Variants in PRELID2 observed in about 807,000 individuals in gnomAD.
PRELID2 encodes the protein PRELI domain-containing protein 2.
Under a neutral mutation model 28.4 loss-of-function variants are expected in PRELID2, and 25 were observed. The observed-to-expected ratio is 0.88, with a 90% confidence interval of 0.64 to 1.23. The LOEUF (loss-of-function observed/expected upper bound fraction) is 1.23, where lower values mean the gene tolerates loss of function less well. Among genes scored for constraint, PRELID2 ranks in the 50% most tolerant of loss-of-function variants. The pLI, the probability that PRELID2 is intolerant of heterozygous loss-of-function variation, is 0.00. For synonymous variants in PRELID2, 76 were observed against 71.6 expected (o/e 1.06, Z -0.31); for missense variants, 201 against 214.4 (o/e 0.94, Z 0.39).
intron 1 of PRELID2, among the ~76,000 whole-genome samples, chr5:145,647,541 C>T (rs1420273758): frequency 6.6e-6 from 1 of 152,152 alleles, no homozygotes; most frequent in Non-Finnish European, 1.5e-5. Flanking sequence ...GGTTCTGTCT[C>T]ACTGGCATTC....
intron 1 of PRELID2, among the ~76,000 whole-genome samples, chr5:145,546,227 GA>G (rs35937823): frequency 0.24 from 35,875 of 151,684 alleles, 5,380 homozygotes; most frequent in African/African-American, 0.44. Context: ...AGGAGCAAGA[GA>G]AAAAAATGAT....
chr5:145,818,103 AC>A (rs1754501767), intron 3 of PRELID2, 49 bp from the exon 4 acceptor site: 1 of 1,573,224 alleles, frequency 6.4e-7, no homozygotes, highest in East Asian at 2.3e-5. Context: ...AGAGCAGGCA[AC>A]ATAATGACTG....
the PRELID2 span, among the ~76,000 whole-genome samples, chr5:145,388,056 T>C: frequency 6.6e-6 from 1 of 151,868 alleles, no homozygotes; most frequent in East Asian, 1.9e-4. Context: ...AAACAGTTAG[T>C]AAAAATCAGA....
At chr5:145,747,702 CA>C (rs1158316979) in intron 1 of PRELID2, among the ~76,000 whole-genome samples, 1 of 151,848 alleles carries the variant, frequency 6.6e-6, no homozygotes, top group African/African-American at 2.4e-5. Flanking sequence ...AGAGATACAA[CA>C]AAAAAAGAAA....
chr5:145,787,875 T>C (rs956284366), intron 5 of PRELID2, among the ~76,000 whole-genome samples: 1 of 152,148 alleles, frequency 6.6e-6, no homozygotes, highest in African/African-American at 2.4e-5. Flanking sequence ...GAACATAATA[T>C]AGTATATGAA....
chr5:145,378,590 T>C, the PRELID2 span, among the ~76,000 whole-genome samples: 3 of 152,208 alleles, frequency 2.0e-5, no homozygotes, highest in Admixed American at 1.3e-4. Context: ...CACTAATACT[T>C]GTAATTGCAC....
intron 5 of PRELID2, among the ~76,000 whole-genome samples, chr5:145,772,195 C>T (rs938290279): frequency 1.4e-5 from 2 of 145,800 alleles, no homozygotes; most frequent in African/African-American, 5.0e-5. Context: ...CCCATCTCCC[C>T]TTTTTTTTTT....
intron 5 of PRELID2, among the ~76,000 whole-genome samples, chr5:145,775,519 T>C (rs1044206829): frequency 1.7e-4 from 26 of 152,214 alleles, no homozygotes; most frequent in African/African-American, 6.3e-4. Context: ...TGCAAATGAA[T>C]TTTGTTTTGA....
intron 4 of PRELID2, among the ~76,000 whole-genome samples, chr5:145,807,325 A>T (rs772250517): frequency 6.6e-6 from 1 of 152,166 alleles, no homozygotes; most frequent in South Asian, 2.1e-4. Context: ...TAGCTCAATT[A>T]TCATTTCCCT....
the PRELID2 span, among the ~76,000 whole-genome samples, chr5:145,418,096 C>A: frequency 3.3e-5 from 5 of 151,808 alleles, no homozygotes; most frequent in African/African-American, 1.2e-4. Flanking sequence ...TTTTATACAC[C>A]AATAACAGGC....
intron 1 of PRELID2, among the ~76,000 whole-genome samples, chr5:145,507,346 G>T (rs143436332): frequency 7.2e-5 from 11 of 152,074 alleles, no homozygotes; most frequent in Admixed American, 2.0e-4. Flanking sequence ...AAATGGGGGG[G>T]AAAAACTGCA....
intron 1 of PRELID2, among the ~76,000 whole-genome samples, chr5:145,702,376 A>G (rs1050829074): frequency 2.6e-5 from 4 of 152,146 alleles, no homozygotes; most frequent in Non-Finnish European, 2.9e-5. Flanking sequence ...AGATAAAAGT[A>G]AAGGAACTAT....
intron 1 of PRELID2, among the ~76,000 whole-genome samples, chr5:145,689,205 C>A (rs775233953): frequency 5.3e-5 from 8 of 152,070 alleles, no homozygotes; most frequent in Non-Finnish European, 5.9e-5. Flanking sequence ...TCAGAGGGTC[C>A]AGCAAAGCTG....
the PRELID2 span, among the ~76,000 whole-genome samples, chr5:145,418,435 C>T: frequency 5.9e-5 from 9 of 152,098 alleles, no homozygotes; most frequent in African/African-American, 2.2e-4. Flanking sequence ...ATAGCCAAGA[C>T]AATCCTAAGC....
chr5:145,445,741 AACACACACAC>A, the PRELID2 span, among the ~76,000 whole-genome samples: 11 of 149,118 alleles, frequency 7.4e-5, no homozygotes, highest in East Asian at 2.0e-4. Context: ...TGTCTCACAA[AACACACACAC>A]ACACACACAC....
intron 1 of PRELID2, among the ~76,000 whole-genome samples, chr5:145,602,037 A>G (rs992679573): frequency 6.6e-6 from 1 of 152,210 alleles, no homozygotes; most frequent in Non-Finnish European, 1.5e-5. Flanking sequence ...TACTCCAAGG[A>G]AAGTTTTTAT....
chr5:145,749,557 G>A lies in PRELID2; in HGVS notation n.70+15374C>T, dbSNP rs761303360. On this transcript the variant is annotated intron_variant and non_coding_transcript_variant, in intron 1 of 2. Transcript: ENST00000510259. ...CAACCATTGTGGAAGACAGTATGGC[G>A]ATTCCCCAAAGATCTAGAATCAGAA... 5.9e-5 allele frequency among the ~76,000 whole-genome samples: 9 copies of A among 152,118 alleles called. No homozygotes were observed. The South Asian group carries it at 6.2e-4, about 11-fold the overall frequency.
intron 1 of PRELID2, among the ~76,000 whole-genome samples, chr5:145,604,889 A>ATATATATATATATATATATATATATATG (rs1753477452): frequency 7.1e-6 from 1 of 141,502 alleles, no homozygotes; most frequent in Non-Finnish European, 1.5e-5. Context: ...GGCCATATAT[A>ATATATATATATATATATATATATATATG]TATATATATA....
At chr5:145,788,259 A>G (rs1179442212) in intron 5 of PRELID2, among the ~76,000 whole-genome samples, 2 of 152,228 alleles carry the variant, frequency 1.3e-5, no homozygotes, top group Non-Finnish European at 1.5e-5. Flanking sequence ...TTCTGAATGT[A>G]CTTACTTATC....
Sources: allele counts gnomAD v4.1 joint callset (sites outside exome capture counted in the v4.1 genomes callset), GRCh38; gene constraint gnomAD v4.1.1; transcripts MANE v1.5; gene names NCBI Gene and HGNC (gene_info 2026-07-23, HGNC 2026-07-21).